RSPO2: variants seen among roughly 807,000 people sequenced by gnomAD.
The protein encoded by RSPO2 is R-spondin-2.
A neutral mutation model predicts 30.9 loss-of-function variants in RSPO2; 14 were observed. The observed-to-expected ratio is 0.45, with a 90% CI of 0.30 to 0.71. The LOEUF is 0.71. RSPO2 is among the 30% of genes least tolerant of loss of function. The probability of loss-of-function intolerance (pLI) is 0.08; values close to 1 mark genes in which losing one functional copy is unlikely to be tolerated. For missense variants in RSPO2, 264 were observed against 301.9 expected (o/e 0.87, Z 0.93); for synonymous variants, 107 against 96.4 (o/e 1.11, Z -0.64).
Position 107,989,205 on chromosome 8 carries a change from GACAA to G in RSPO2, c.130_133del (p.Ser45ValfsTer45). ...GCTACACCCATTGTCCTTTGAACAA[GACAA>G]ACAACCCTTGCAAATGGGATTTGAT... On this transcript the variant is annotated frameshift_variant, in exon 3 of 6. Transcript: ENST00000276659. LOFTEE classifies it high-confidence loss of function. 1.9e-6 allele frequency: 3 copies of G among 1,590,586 alleles called. No homozygotes were observed. The highest frequency in any genetic ancestry group is 2.6e-6 in the Non-Finnish European group (3 of 1,172,946).
chr8:107,979,830 C>T (rs567273951), intron 3 of RSPO2, among the ~76,000 whole-genome samples: 2 of 152,136 alleles, frequency 1.3e-5, no homozygotes, highest in South Asian at 2.1e-4. Context: ...GCTGAAGTCC[C>T]GGTTTCTGGC....
chr8:107,968,990 A>C (rs1813908936), intron 3 of RSPO2, among the ~76,000 whole-genome samples: 1 of 152,134 alleles, frequency 6.6e-6, no homozygotes, highest in Admixed American at 6.6e-5. Context: ...GATCACAATC[A>C]TTTGTTGGGT....
At chr8:107,903,856 G>T (rs185390334) in intron 5 of RSPO2, among the ~76,000 whole-genome samples, 1 of 152,154 alleles carries the variant, frequency 6.6e-6, no homozygotes, top group East Asian at 1.9e-4. Context: ...GGTTAGCCAA[G>T]ATTTGACCAC....
rs551302192 is a variant in RSPO2 at position 107,992,819 on chromosome 8, G to A, written c.95-3575C>T. Among the ~76,000 whole-genome samples, 77 of 152,200 alleles carry A rather than the reference G, an allele frequency of 5.1e-4. No homozygotes were observed. In the East Asian group the frequency reaches 5.2e-3, roughly 10 times the overall value. On this transcript the variant is annotated intron_variant, in intron 2 of 5. Coordinates refer to ENST00000276659, the MANE Select transcript of RSPO2 (RefSeq NM_178565.5). ...CGAGATACTATCTTCAACATGTTGA[G>A]GAAAAATTATCAAACTATAATTCTA...
chr8:107,943,670 C>G (rs1812969274), intron 5 of RSPO2, among the ~76,000 whole-genome samples: 1 of 152,126 alleles, frequency 6.6e-6, no homozygotes, highest in African/African-American at 2.4e-5. Context: ...ACTCTTAATT[C>G]AAAGCATATT....
chr8:108,076,580 C>T (rs890036028), intron 2 of RSPO2, among the ~76,000 whole-genome samples: 2 of 152,008 alleles, frequency 1.3e-5, no homozygotes, highest in African/African-American at 2.4e-5. Context: ...AAGACTATAG[C>T]GAGGCTCCCA....
chr8:108,013,482 C>T (rs1473522700), intron 2 of RSPO2, among the ~76,000 whole-genome samples: 2 of 152,090 alleles, frequency 1.3e-5, no homozygotes, highest in Non-Finnish European at 2.9e-5. Context: ...TAAGACTACA[C>T]TAATCATTAT....
At chr8:107,953,709 G>A (rs964666896) in intron 5 of RSPO2, among the ~76,000 whole-genome samples, 7 of 152,104 alleles carry the variant, frequency 4.6e-5, no homozygotes, top group African/African-American at 1.4e-4. Context: ...AACTTGTTAG[G>A]TATCACTTTG....
chr8:107,952,289 GCACACACACACA>G (rs60942015), intron 5 of RSPO2, among the ~76,000 whole-genome samples: 1 of 148,930 alleles, frequency 6.7e-6, no homozygotes, highest in Non-Finnish European at 1.5e-5. Context: ...ACACACACAT[GCACACACACACA>G]CACACACACA....
intron 3 of RSPO2, among the ~76,000 whole-genome samples, chr8:107,969,722 T>C (rs781028284): frequency 1.1e-4 from 16 of 152,146 alleles, no homozygotes; most frequent in Non-Finnish European, 8.8e-5. Flanking sequence ...TACCTCAAAA[T>C]AAAATAGCAA....
At chr8:107,929,482 C>T (rs1416410478) in intron 5 of RSPO2, among the ~76,000 whole-genome samples, 1 of 152,102 alleles carries the variant, frequency 6.6e-6, no homozygotes, top group African/African-American at 2.4e-5. Flanking sequence ...TACACGAACT[C>T]GCATAACAGC....
chr8:107,958,876 C>T (rs1283154457), intron 4 of RSPO2, among the ~76,000 whole-genome samples: 1 of 152,164 alleles, frequency 6.6e-6, no homozygotes, highest in African/African-American at 2.4e-5. Flanking sequence ...GGGACTTGAT[C>T]TCGTTCTTTT....
chr8:108,046,383 C>T (rs1046825995), intron 2 of RSPO2, among the ~76,000 whole-genome samples: 1 of 152,110 alleles, frequency 6.6e-6, no homozygotes, highest in Non-Finnish European at 1.5e-5. Context: ...ACAAGTACTT[C>T]TTTTAGACTA....
rs371495508 is a variant in RSPO2 at position 107,983,832 on chromosome 8, T to C, written c.283+5224A>G. 1.3e-4 allele frequency: 202 copies of C among 1,603,838 alleles called. 3 individuals are homozygous for C. The South Asian group carries it at 2.1e-3, about 17-fold the overall frequency. On this transcript the variant is annotated intron_variant, in intron 3 of 5. Coordinates refer to ENST00000276659, the MANE Select transcript of RSPO2 (RefSeq NM_178565.5). ...ACCACATTCAGAAACTGCTACAGCC[T>C]CCTCAACCTGGCAGAAGTTTGCAGC...
At chr8:107,998,198 A>G (rs1304243885) in intron 2 of RSPO2, among the ~76,000 whole-genome samples, 2 of 145,786 alleles carry the variant, frequency 1.4e-5, no homozygotes, top group East Asian at 4.0e-4. Flanking sequence ...TTTAAGGAAG[A>G]AAAAAAAAAA....
chr8:108,059,828 A>T (rs1440666406), intron 2 of RSPO2, among the ~76,000 whole-genome samples: 2 of 134,446 alleles, frequency 1.5e-5, no homozygotes, highest in African/African-American at 2.9e-5. Context: ...CAGGAAGGGG[A>T]ACATCACACT....
At chr8:107,946,871 A>G (rs1442388946) in intron 5 of RSPO2, among the ~76,000 whole-genome samples, 1 of 152,242 alleles carries the variant, frequency 6.6e-6, no homozygotes, top group East Asian at 1.9e-4. Context: ...CAACATACAA[A>G]GACATCCACC....
At chr8:107,999,487 C>T (rs563342085) in intron 2 of RSPO2, among the ~76,000 whole-genome samples, 58 of 152,144 alleles carry the variant, frequency 3.8e-4, no homozygotes, top group African/African-American at 9.9e-4. Flanking sequence ...CAGGTTGGAG[C>T]GCAGTGGCAC....
intron 2 of RSPO2, among the ~76,000 whole-genome samples, chr8:108,025,760 A>C (rs972227556): frequency 6.6e-6 from 1 of 152,060 alleles, no homozygotes; most frequent in Non-Finnish European, 1.5e-5. Flanking sequence ...GAGCTCAAGC[A>C]ATCTTTCCAC....
Sources: gnomAD v4.1 joint callset for allele counts (sites outside exome capture counted in the v4.1 genomes callset) on GRCh38, gnomAD v4.1.1 for gene constraint, MANE v1.5 for transcripts, NCBI Gene and HGNC (gene_info 2026-07-23, HGNC 2026-07-21) for gene names.